ZNF146: variants seen among roughly 807,000 people sequenced by gnomAD.
The protein encoded by ZNF146 is zinc finger protein OZF.
A neutral mutation model predicts 22.2 loss-of-function variants in ZNF146; 9 were observed. That is an observed-to-expected ratio of 0.41 (90% confidence interval 0.24 to 0.71). The LOEUF is 0.71. Among genes scored for constraint, ZNF146 ranks in the 30% least tolerant of loss-of-function variants. The probability of loss-of-function intolerance (pLI) is 0.34; values close to 1 mark genes in which losing one functional copy is unlikely to be tolerated. For synonymous variants in ZNF146, 108 were observed against 119.2 expected (o/e 0.91, Z 0.61); for missense variants, 194 against 344.8 (o/e 0.56, Z 3.46).
chr19:36,221,173 T>C (rs938996386), intron 2 of ZNF146, among the ~76,000 whole-genome samples: 2 of 152,116 alleles, frequency 1.3e-5, no homozygotes, highest in African/African-American at 4.8e-5. Context: ...TAAAGATGTA[T>C]GTAGTCAAAG....
intron 3 of ZNF146, among the ~76,000 whole-genome samples, chr19:36,232,565 G>T (rs1977428154): frequency 6.6e-6 from 1 of 150,914 alleles, no homozygotes; most frequent in African/African-American, 2.4e-5. Flanking sequence ...AATAATCTAT[G>T]AATTTTTTGT....
chr19:36,217,902 A>T (rs1438901091), intron 1 of ZNF146, among the ~76,000 whole-genome samples: 1 of 138,650 alleles, frequency 7.2e-6, no homozygotes, highest in African/African-American at 2.7e-5. Context: ...AAAAAAAAAA[A>T]TTCAAAAGAT....
chr19:36,218,474 TC>T (rs1467685416), intron 2 of ZNF146, among the ~76,000 whole-genome samples: 1 of 151,452 alleles, frequency 6.6e-6, no homozygotes, highest in African/African-American at 2.4e-5. Context: ...TATTAATATT[TC>T]TTTTTTTTTT....
chr19:36,231,791 T>G (rs1977381942), intron 3 of ZNF146, among the ~76,000 whole-genome samples: 1 of 151,880 alleles, frequency 6.6e-6, no homozygotes, highest in African/African-American at 2.4e-5. Flanking sequence ...CTCTCTTTAA[T>G]AGAGAACAAA....
At position 36,236,361 on chromosome 19, in the gene ZNF146, T is replaced by G; in HGVS notation, c.-80T>G. The G allele has an allele frequency of 6.7e-7, 1 of 1,493,602 alleles. No homozygotes were observed. The highest frequency in any genetic ancestry group is 9.0e-7 in the Non-Finnish European group (1 of 1,114,448). The allele number at this position is 1,493,602 out of a possible 1,614,324, so 92.5% of individuals were successfully genotyped here. A position where few individuals can be genotyped will look rare whatever the true frequency, so the allele number is the denominator to read the frequency against. On this transcript the variant is annotated 5_prime_UTR_variant, in exon 4 of 4. Coordinates refer to ENST00000443387, the MANE Select transcript of ZNF146 (RefSeq NM_007145.3). Reference sequence around the variant, plus strand: ...AAATGTAAGAGATGTGGAAATATCTTCAGCCAAAAGTAAATCCTCACTCAT... The same window carrying G: ...AAATGTAAGAGATGTGGAAATATCTGCAGCCAAAAGTAAATCCTCACTCAT...
chr19:36,233,590 A>G (rs1393289736), intron 3 of ZNF146, among the ~76,000 whole-genome samples: 5 of 152,264 alleles, frequency 3.3e-5, no homozygotes, highest in East Asian at 1.9e-4. Context: ...TGGCAGGACA[A>G]TAGGGTAATA....
chr19:36,215,438 G>T (rs1226083044), intron 1 of ZNF146, among the ~76,000 whole-genome samples: 1 of 152,140 alleles, frequency 6.6e-6, no homozygotes. Flanking sequence ...GTGTGTGATT[G>T]TGCCTAAGAG....
intron 2 of ZNF146, among the ~76,000 whole-genome samples, chr19:36,218,828 G>C (rs115708750): frequency 0.025 from 3,554 of 140,366 alleles, 166 homozygotes; most frequent in African/African-American, 0.089. Context: ...GTGGAGGGGG[G>C]GACAGAGTCT....
Position 36,236,556 on chromosome 19 carries a change from C to G in ZNF146, c.116C>G (p.Thr39Arg), listed in dbSNP as rs753111926. The part of the protein sequence containing the change: ...SNLTEHEHFH[T>R]REKPFECNEC... ...CTCACTGAGCATGAGCATTTTCACA[C>G]GAGAGAGAAACCTTTTGAATGTAAC... Residue 39 changes from threonine (T) to arginine (R), a missense_variant, in exon 4 of 4, where the codon ACG becomes AGG. Coordinates refer to ENST00000443387, the MANE Select transcript of ZNF146 (RefSeq NM_007145.3). 3.1e-6 allele frequency: 5 copies of G among 1,614,068 alleles called. No individual in the cohort carries two copies. Among genetic ancestry groups the G allele is most frequent in the Admixed American group, 3.3e-5 (2 of 60,018 alleles).
At chr19:36,223,047 C>G (rs1976920998) in intron 2 of ZNF146, among the ~76,000 whole-genome samples, 1 of 151,942 alleles carries the variant, frequency 6.6e-6, no homozygotes, top group African/African-American at 2.4e-5. Flanking sequence ...CCCCTGGGCC[C>G]AAGCAAGTCT....
chr19:36,216,503 C>T (rs1306923683), intron 1 of ZNF146, among the ~76,000 whole-genome samples: 2 of 151,608 alleles, frequency 1.3e-5, no homozygotes, highest in Non-Finnish European at 2.9e-5. Context: ...TAAAAAAATA[C>T]AAAAATTAGC....
intron 3 of ZNF146, among the ~76,000 whole-genome samples, chr19:36,232,201 A>G (rs1977410121): frequency 6.6e-6 from 1 of 152,028 alleles, no homozygotes; most frequent in Admixed American, 6.6e-5. Flanking sequence ...TCTCAAAAAA[A>G]AAAAAAAAAA....
At chr19:36,220,154 T>C (rs1480203983) in intron 2 of ZNF146, among the ~76,000 whole-genome samples, 1 of 152,190 alleles carries the variant, frequency 6.6e-6, no homozygotes, top group Non-Finnish European at 1.5e-5. Context: ...TGGTTCCTTT[T>C]ATTGGAGAAT....
chr19:36,217,901 AAT>A (rs1280290059), intron 1 of ZNF146, among the ~76,000 whole-genome samples: 46 of 136,698 alleles, frequency 3.4e-4, no homozygotes, highest in Non-Finnish European at 5.4e-4. Flanking sequence ...AAAAAAAAAA[AAT>A]TCAAAAGATA....
intron 3 of ZNF146, among the ~76,000 whole-genome samples, chr19:36,230,528 T>G (rs1977285848): frequency 6.6e-6 from 1 of 152,260 alleles, no homozygotes; most frequent in South Asian, 2.1e-4. Context: ...AAGGTCTCAC[T>G]GAATGCCATT....
chr19:36,224,136 C>G (rs967403644), intron 2 of ZNF146, among the ~76,000 whole-genome samples: 6 of 152,178 alleles, frequency 3.9e-5, no homozygotes, highest in Non-Finnish European at 7.3e-5. Flanking sequence ...AATCCCAGCA[C>G]TTTGCAAGGC....
chr19:36,217,118 A>G (rs913118326), intron 1 of ZNF146, among the ~76,000 whole-genome samples: 2 of 123,512 alleles, frequency 1.6e-5, no homozygotes, highest in African/African-American at 3.1e-5. Context: ...TCTAGAGTGC[A>G]GTGGCCCAAT....
At chr19:36,221,956 G>C (rs1308661570) in intron 2 of ZNF146, among the ~76,000 whole-genome samples, 4 of 108,830 alleles carry the variant, frequency 3.7e-5, no homozygotes, top group Non-Finnish European at 6.9e-5. Context: ...TTTTGAAATA[G>C]TCTCGCTCTG....
intron 1 of ZNF146, among the ~76,000 whole-genome samples, chr19:36,217,019 G>A (rs950380133): frequency 2.7e-5 from 4 of 149,776 alleles, no homozygotes; most frequent in Admixed American, 1.3e-4. Flanking sequence ...AGATCCTGGC[G>A]ACAGCATTCC....
Sources: gnomAD v4.1 joint callset for allele counts (sites outside exome capture counted in the v4.1 genomes callset) on GRCh38, gnomAD v4.1.1 for gene constraint, MANE v1.5 for transcripts, NCBI Gene and HGNC (gene_info 2026-07-23, HGNC 2026-07-21) for gene names.